The following TXK variants were observed in gnomAD, a reference collection of about 807,000 sequenced individuals.
TXK encodes the protein tyrosine-protein kinase TXK.
TXK carries 60 observed loss-of-function variants against 81.0 expected under a neutral mutation model. The ratio of observed to expected loss-of-function variants is 0.74; its 90% confidence interval spans 0.60 to 0.92. The LOEUF (loss-of-function observed/expected upper bound fraction) is 0.92, where lower values mean the gene tolerates loss of function less well. Among genes scored for constraint, TXK ranks in the 40% least tolerant of loss-of-function variants. The pLI, the probability that TXK is intolerant of heterozygous loss-of-function variation, is 0.00. For missense variants in TXK, 581 were observed against 638.3 expected (o/e 0.91, Z 0.97); for synonymous variants, 203 against 210.7 (o/e 0.96, Z 0.32).
chr4:48,071,136 G>C (rs1211323725), intron 14 of TXK, among the ~76,000 whole-genome samples: 1 of 151,920 alleles, frequency 6.6e-6, no homozygotes, highest in African/African-American at 2.4e-5. Flanking sequence ...CTGACCTCAG[G>C]TGATCCACCC....
At chr4:48,100,805 G>GT (rs1425974528) in intron 6 of TXK, among the ~76,000 whole-genome samples, 1 of 152,106 alleles carries the variant, frequency 6.6e-6, no homozygotes, top group Non-Finnish European at 1.5e-5. Context: ...TGAAGAATTG[G>GT]TTTTAAAAAT....
intron 10 of TXK, among the ~76,000 whole-genome samples, chr4:48,084,721 C>T (rs977039680): frequency 6.6e-6 from 1 of 152,128 alleles, no homozygotes; most frequent in Non-Finnish European, 1.5e-5. Flanking sequence ...AACAACTTCC[C>T]TTGGAATTCG....
intron 4 of TXK, among the ~76,000 whole-genome samples, chr4:48,112,069 G>A (rs533861013): frequency 3.3e-5 from 5 of 152,170 alleles, no homozygotes; most frequent in Non-Finnish European, 7.3e-5. Flanking sequence ...ACTCAGAGAC[G>A]GTAAGTGACT....
chr4:48,075,294 A>G (rs1332042030), intron 12 of TXK, among the ~76,000 whole-genome samples: 1 of 152,146 alleles, frequency 6.6e-6, no homozygotes, highest in Non-Finnish European at 1.5e-5. Flanking sequence ...GATGCCAGTG[A>G]ACAAATGGCT....
chr4:48,128,025 G>A (rs1471816927), intron 1 of TXK, among the ~76,000 whole-genome samples: 1 of 152,176 alleles, frequency 6.6e-6, no homozygotes, highest in Admixed American at 6.5e-5. Context: ...CTCTGAAGAG[G>A]ACAAAGGAAC....
Position 48,067,425 on chromosome 4 carries a change from A to T in TXK, c.*212T>A. 1 of 521,298 alleles carries T rather than the reference A, an allele frequency of 1.9e-6. No individual in the cohort carries two copies. The highest frequency in any genetic ancestry group is 2.5e-5 in the South Asian group (1 of 40,538). 32.3% of individuals were successfully genotyped at this position (521,298 alleles called of 1,614,324 possible). ...ATGTGAAATATTTTACAGAAAAATAAGAGTGTGCAAATCCCTCTCACACAT... is the reference window on the plus strand; with the variant it reads ...ATGTGAAATATTTTACAGAAAAATATGAGTGTGCAAATCCCTCTCACACAT... On this transcript the variant is annotated 3_prime_UTR_variant, in exon 15 of 15. Transcript: ENST00000264316.
At chr4:48,117,660 G>A (rs1718848230) in intron 1 of TXK, among the ~76,000 whole-genome samples, 2 of 152,224 alleles carry the variant, frequency 1.3e-5, no homozygotes, top group Admixed American at 1.3e-4. Flanking sequence ...TGCATTATTA[G>A]ATGAAATGGT....
At chr4:48,131,245 T>C (rs1469900072) in intron 1 of TXK, among the ~76,000 whole-genome samples, 1 of 152,162 alleles carries the variant, frequency 6.6e-6, no homozygotes, top group Non-Finnish European at 1.5e-5. Context: ...TAGCAGCCTT[T>C]GAAGCCAGGA....
At chr4:48,128,803 G>A (rs1719163071) in intron 1 of TXK, among the ~76,000 whole-genome samples, 1 of 151,816 alleles carries the variant, frequency 6.6e-6, no homozygotes, top group South Asian at 2.1e-4. Flanking sequence ...TCCTGACCTC[G>A]TGATCCACCT....
intron 1 of TXK, 124 bp from the exon 2 acceptor site, chr4:48,114,526 C>A: frequency 1.0e-6 from 1 of 972,176 alleles, no homozygotes; most frequent in South Asian, 1.4e-5. Context: ...TGCCTTCCTT[C>A]ACTAGTGGAA....
At chr4:48,124,560 C>CT (rs113064041) in intron 1 of TXK, among the ~76,000 whole-genome samples, 1,953 of 151,384 alleles carry the variant, frequency 0.013, 19 homozygotes, top group African/African-American at 0.029. Flanking sequence ...CATCTGAGCT[C>CT]TTCTTTTTTT....
At chr4:48,130,064 C>T (rs184637182) in intron 1 of TXK, among the ~76,000 whole-genome samples, 10 of 152,178 alleles carry the variant, frequency 6.6e-5, no homozygotes, top group African/African-American at 1.4e-4. Flanking sequence ...GCTGCAGTGA[C>T]GAGTTAAAAA....
At chr4:48,084,438 T>C (rs1368197200) in intron 10 of TXK, among the ~76,000 whole-genome samples, 1 of 152,176 alleles carries the variant, frequency 6.6e-6, no homozygotes, top group African/African-American at 2.4e-5. Context: ...ATTCTCTCAT[T>C]ATGACATTAA....
At chr4:48,113,184 T>C (rs761332474) in intron 3 of TXK, 23 bp downstream of exon 3, 1 of 1,576,822 alleles carries the variant, frequency 6.3e-7, no homozygotes. Context: ...CATTCCCCTC[T>C]TGCCTGTCAA....
At chr4:48,108,519 C>G (rs1718533711) in intron 5 of TXK, among the ~76,000 whole-genome samples, 1 of 152,190 alleles carries the variant, frequency 6.6e-6, no homozygotes, top group African/African-American at 2.4e-5. Flanking sequence ...TTTCTATACA[C>G]ATGCTCTAGT....
intron 11 of TXK, among the ~76,000 whole-genome samples, chr4:48,077,972 G>A (rs1717135794): frequency 6.6e-6 from 1 of 152,142 alleles, no homozygotes; most frequent in African/African-American, 2.4e-5. Context: ...AACTTCACAT[G>A]AGGCTCATCA....
intron 6 of TXK, among the ~76,000 whole-genome samples, chr4:48,098,586 T>C (rs1718071578): frequency 1.3e-5 from 2 of 151,548 alleles, no homozygotes; most frequent in African/African-American, 2.5e-5. Context: ...GGAATGCGTG[T>C]GTACTTCCTT....
rs145695122 is a variant in TXK, at chr4:48,090,972, G to A, written c.710-1148C>T. Among the ~76,000 whole-genome samples the A allele has an allele frequency of 2.0e-5, 3 of 152,352 alleles. No individual in the cohort carries two copies. In the East Asian group the frequency reaches 5.8e-4, roughly 29 times the overall value. ...GAACAAAAAGAAGCACATATTAAGT[G>A]CCTATTGTGTGCAAGGCACTCTTCT... On this transcript the variant is annotated intron_variant, in intron 8 of 14. Coordinates refer to ENST00000264316, the MANE Select transcript of TXK (RefSeq NM_003328.3).
At chr4:48,117,072 G>A (rs1718832608) in intron 1 of TXK, among the ~76,000 whole-genome samples, 1 of 152,142 alleles carries the variant, frequency 6.6e-6, no homozygotes, top group Non-Finnish European at 1.5e-5. Context: ...GTTTTTAGTA[G>A]AGATGGGATT....
Sources: gnomAD v4.1 joint callset for allele counts (sites outside exome capture counted in the v4.1 genomes callset) on GRCh38, gnomAD v4.1.1 for gene constraint, MANE v1.5 for transcripts, NCBI Gene and HGNC (gene_info 2026-07-23, HGNC 2026-07-21) for gene names.